Variants in ZC3H12C observed in about 807,000 individuals in gnomAD.
The protein encoded by ZC3H12C is probable ribonuclease ZC3H12C.
A neutral mutation model predicts 76.3 loss-of-function variants in ZC3H12C; 20 were observed. That is an observed-to-expected ratio of 0.26 (90% CI 0.18 to 0.38). The LOEUF (loss-of-function observed/expected upper bound fraction) is 0.38, where lower values mean the gene tolerates loss of function less well. Ranked by LOEUF, ZC3H12C falls within the 10% of genes least tolerant of loss-of-function variation. ZC3H12C has a pLI of 1.00. For missense variants in ZC3H12C, 874 were observed against 1,086.5 expected (o/e 0.80, Z 2.75); for synonymous variants, 352 against 399.6 (o/e 0.88, Z 1.42).
chr11:110,106,338 T>A (rs1004166369), intron 1 of ZC3H12C, among the ~76,000 whole-genome samples: 2 of 152,222 alleles, frequency 1.3e-5, no homozygotes, highest in African/African-American at 2.4e-5. Context: ...CAGCAATGTA[T>A]GTGTCCATTT....
chr11:110,123,908 T>A (rs1861693242), intron 1 of ZC3H12C, among the ~76,000 whole-genome samples: 1 of 152,194 alleles, frequency 6.6e-6, no homozygotes, highest in African/African-American at 2.4e-5. Flanking sequence ...GAGAACAGCA[T>A]AAAGAGCTTA....
Position 110,117,819 on chromosome 11 carries a change from C to A in ZC3H12C, c.22-18844C>A, listed in dbSNP as rs1490303773. Among the ~76,000 whole-genome samples, 2 of 105,074 alleles carry A rather than the reference C, an allele frequency of 1.9e-5. 1 individual carries two copies. The highest frequency in any genetic ancestry group is 3.7e-5 in the Non-Finnish European group (2 of 53,752). 68.9% of individuals were successfully genotyped at this position (105,074 alleles called of 152,430 possible). A position where few individuals can be genotyped will look rare whatever the true frequency, so the allele number is the denominator to read the frequency against. On this transcript the variant is annotated intron_variant, in intron 1 of 5. Coordinates refer to ENST00000278590, the MANE Select transcript of ZC3H12C (RefSeq NM_033390.2). ...TATTATATATACACACATATATATA[C>A]ACACACACATATAATATATATATAC...
At chr11:110,129,591 G>T (rs7482610) in intron 1 of ZC3H12C, among the ~76,000 whole-genome samples, 1 of 152,082 alleles carries the variant, frequency 6.6e-6, no homozygotes, top group African/African-American at 2.4e-5. Flanking sequence ...TAGAATTCAT[G>T]ATCATATAAT....
chr11:110,159,768 G>A (rs542096514), intron 4 of ZC3H12C, among the ~76,000 whole-genome samples: 14 of 152,320 alleles, frequency 9.2e-5, no homozygotes, highest in South Asian at 6.2e-4. Flanking sequence ...AGAACCTGAG[G>A]AAACAGACAC....
chr11:110,127,888 T>TC (rs1565256427), intron 1 of ZC3H12C, among the ~76,000 whole-genome samples: 3 of 87,876 alleles, frequency 3.4e-5, no homozygotes, highest in Admixed American at 2.0e-4. Context: ...ACAGTGAGAC[T>TC]TACTCTCAAA....
rs1862190738 is a variant in ZC3H12C, at chr11:110,147,400, T to A, written c.774-5519T>A. 2.0e-5 allele frequency among the ~76,000 whole-genome samples: 3 copies of A among 151,346 alleles called. 1 individual carries two copies. The South Asian group carries it at 6.3e-4, about 32-fold the overall frequency. On this transcript the variant is annotated intron_variant, in intron 2 of 5. Coordinates refer to ENST00000278590, the MANE Select transcript of ZC3H12C (RefSeq NM_033390.2). The stretch of plus-strand genomic sequence containing the variant: ...GAGATGAAAAAATAAGTTGACTCAA[T>A]GAGAACACATGACTACAGGGAGGGG...
chr11:110,156,616 G>T (rs542236378), intron 3 of ZC3H12C, among the ~76,000 whole-genome samples: 166 of 152,258 alleles, frequency 1.1e-3, no homozygotes, highest in African/African-American at 3.9e-3. Flanking sequence ...AAATAATAAA[G>T]TACCATAGAT....
rs747536263 is a variant in ZC3H12C at position 110,165,393 on chromosome 11, C to T, written c.2308C>T (p.Arg770Cys). 1.2e-6 allele frequency: 2 copies of T among 1,614,008 alleles called. No individual in the cohort carries two copies. Among genetic ancestry groups the T allele is most frequent in the South Asian group, 2.2e-5 (2 of 91,086 alleles). The change falls in exon 6 of 6, where the codon CGC (arginine) becomes TGC (cysteine). Residue 770 changes from arginine to cysteine, a missense_variant. Transcript: ENST00000278590. ...TTCACGACAAAGAAAGCCTTATTCCCGCCAGGAAGGCCTGGGAAGCTGGGA... is the reference window on the plus strand; with the variant it reads ...TTCACGACAAAGAAAGCCTTATTCCTGCCAGGAAGGCCTGGGAAGCTGGGA... ...SPSRQRKPYS[R>C]QEGLGSWERP...
Position 110,159,688 on chromosome 11 carries a change from GC to G in ZC3H12C, c.1148+202del, listed in dbSNP as rs372022485. Reference sequence around the variant, plus strand: ...AGAGGAGGCCCGGTGTGAGTGGCAGGCCCCACCTTTCCCTGTAAGTCACTCA... The same window carrying G: ...AGAGGAGGCCCGGTGTGAGTGGCAGGCCCACCTTTCCCTGTAAGTCACTCA... On this transcript the variant is annotated intron_variant, in intron 4 of 5. Coordinates refer to ENST00000278590, the MANE Select transcript of ZC3H12C (RefSeq NM_033390.2). Among the ~76,000 whole-genome samples the G allele has an allele frequency of 4.0e-3, 611 of 152,282 alleles. 2 individuals are homozygous for G. The highest frequency in any genetic ancestry group is 0.014 in the African/African-American group (564 of 41,550).
At chr11:110,151,009 A>AT (rs1413800974) in intron 2 of ZC3H12C, among the ~76,000 whole-genome samples, 2 of 152,078 alleles carry the variant, frequency 1.3e-5, no homozygotes, top group African/African-American at 4.8e-5. Context: ...GGAGGATTAT[A>AT]TTTTTTTCAA....
At chr11:110,100,598 T>C (rs1482715308) in intron 1 of ZC3H12C, among the ~76,000 whole-genome samples, 1 of 152,210 alleles carries the variant, frequency 6.6e-6, no homozygotes, top group African/African-American at 2.4e-5. Flanking sequence ...TATTTCAAAC[T>C]TTTTCATTTT....
At chr11:110,110,370 G>A (rs1861404537) in intron 1 of ZC3H12C, among the ~76,000 whole-genome samples, 1 of 152,108 alleles carries the variant, frequency 6.6e-6, no homozygotes, top group South Asian at 2.1e-4. Flanking sequence ...CTTGGGGATT[G>A]GAAGTTGAGC....
chr11:110,165,075 C>T lies in ZC3H12C; in HGVS notation c.1990C>T (p.His664Tyr). The T allele has an allele frequency of 6.2e-7, 1 of 1,613,782 alleles. No individual in the cohort carries two copies. Residue 664 changes from histidine (H) to tyrosine (Y), a missense_variant, in exon 6 of 6, where the codon CAC becomes TAC. Coordinates refer to ENST00000278590, the MANE Select transcript of ZC3H12C (RefSeq NM_033390.2). ...GCTAGAGGAGAATTTGAAGTGTCAA[C>T]ACATGCACCCTCACAGCCGCCTTAA... Reference protein sequence around the residue: ...PQLEENLKCQHMHPHSRLNPQ... With the variant: ...PQLEENLKCQYMHPHSRLNPQ...
intron 1 of ZC3H12C, among the ~76,000 whole-genome samples, chr11:110,116,717 T>C (rs1015853872): frequency 8.5e-5 from 13 of 152,366 alleles, no homozygotes; most frequent in African/African-American, 3.1e-4. Flanking sequence ...ACAATCACTG[T>C]TATAAGTTAT....
At chr11:110,116,243 A>AT (rs769321907) in intron 1 of ZC3H12C, among the ~76,000 whole-genome samples, 3 of 152,034 alleles carry the variant, frequency 2.0e-5, no homozygotes, top group Non-Finnish European at 1.5e-5. Flanking sequence ...AATTTCTAAC[A>AT]TTGTTTTCTA....
intron 1 of ZC3H12C, among the ~76,000 whole-genome samples, chr11:110,095,602 G>C (rs952221301): frequency 1.3e-5 from 2 of 152,174 alleles, no homozygotes; most frequent in South Asian, 4.1e-4. Flanking sequence ...TATCACTCTA[G>C]CTGCTGTGTA....
intron 1 of ZC3H12C, chr11:110,131,135 G>T: frequency 1.3e-6 from 2 of 1,487,682 alleles, no homozygotes; most frequent in Non-Finnish European, 1.8e-6. Flanking sequence ...TTAATGCCTT[G>T]GAAGTTAAAC....
At position 110,165,349 on chromosome 11, in the gene ZC3H12C, G is replaced by A. The variant is rs763939056; in HGVS notation, c.2264G>A (p.Arg755Gln). 2.5e-6 allele frequency: 4 copies of A among 1,613,952 alleles called. No homozygotes were observed. Among genetic ancestry groups the A allele is most frequent in the Non-Finnish European group, 3.4e-6 (4 of 1,179,882 alleles). The change falls in exon 6 of 6, where the codon CGA becomes CAA. Residue 755 changes from arginine (R) to glutamine (Q), a missense_variant. Around this residue, in one of 3 missense-constraint regions of ZC3H12C, gnomAD observed 395 missense variants for 434.4 expected, o/e 0.91. Transcript: ENST00000278590. Reference protein sequence around the residue: ...ATRIDSISDSRLYDSSPSRQR... With the variant: ...ATRIDSISDSQLYDSSPSRQR... ...AGAATAGACAGCATCTCTGACTCTC[G>A]ACTTTATGACAGTTCTCCTTCACGA...
chr11:110,137,089 A>C lies in ZC3H12C; in HGVS notation c.448A>C (p.Lys150Gln). 6.2e-7 allele frequency: 1 copy of C among 1,613,916 alleles called. No homozygotes were observed. Among genetic ancestry groups the C allele is most frequent in the East Asian group, 2.2e-5 (1 of 44,882 alleles). ...ACCTGAAGAGTCCCAGACTACATCCAAGGAAGCAAAGAAACCACCTGATGT... is the reference window on the plus strand; with the variant it reads ...ACCTGAAGAGTCCCAGACTACATCCCAGGAAGCAAAGAAACCACCTGATGT... Reference protein sequence around the residue: ...FKPEESQTTSKEAKKPPDVVR... With the variant: ...FKPEESQTTSQEAKKPPDVVR... The change falls in exon 2 of 6, where the codon AAG (lysine) becomes CAG (glutamine). Residue 150 changes from lysine (K) to glutamine (Q), a missense_variant. Lys to Gln is a moderately conservative substitution (Grantham distance 53). Around this residue, in one of 3 missense-constraint regions of ZC3H12C, gnomAD observed 210 missense variants for 227.1 expected, o/e 0.92. Coordinates refer to ENST00000278590, the MANE Select transcript of ZC3H12C (RefSeq NM_033390.2).
Sources: gnomAD v4.1 joint callset for allele counts (sites outside exome capture counted in the v4.1 genomes callset) on GRCh38, gnomAD v4.1.1 for gene constraint, gnomAD v4.1.1 regional missense constraint, MANE v1.5 for transcripts, NCBI Gene and HGNC (gene_info 2026-07-23, HGNC 2026-07-21) for gene names.